The following SVIL variants were observed in gnomAD, a reference collection of about 807,000 sequenced individuals.
SVIL encodes archvillin.
A neutral mutation model predicts 240.4 loss-of-function variants in SVIL; 101 were observed. The observed-to-expected ratio is 0.42, with a 90% CI of 0.36 to 0.50. SVIL has a LOEUF of 0.50. Ranked by LOEUF, SVIL falls within the 20% of genes least tolerant of loss-of-function variation. The pLI, the probability that SVIL is intolerant of heterozygous loss-of-function variation, is 0.01. For synonymous variants in SVIL, 999 were observed against 1,100.0 expected (o/e 0.91, Z 1.82); for missense variants, 2,512 against 2,818.7 (o/e 0.89, Z 2.46).
At chr10:29,479,337 G>C (rs1054621181) in intron 29 of SVIL, among the ~76,000 whole-genome samples, 2 of 152,214 alleles carry the variant, frequency 1.3e-5, no homozygotes, top group South Asian at 2.1e-4. Flanking sequence ...CTTCAGGCAG[G>C]TTCCTTGATC....
chr10:29,574,200 A>G (rs1285426103), intron 1 of SVIL, among the ~76,000 whole-genome samples: 1 of 152,336 alleles, frequency 6.6e-6, no homozygotes, highest in South Asian at 2.1e-4. Context: ...TTAAGGCTGT[A>G]ATCTTTAAAG....
chr10:29,531,890 A>G, intron 9 of SVIL, 112 bp downstream of exon 9: 1 of 1,258,010 alleles, frequency 7.9e-7, no homozygotes, highest in Middle Eastern at 2.2e-4. Flanking sequence ...AGATGGAACA[A>G]TTATGGAATC....
intron 1 of SVIL, among the ~76,000 whole-genome samples, chr10:29,594,458 C>T (rs1040628381): frequency 7.2e-5 from 11 of 151,874 alleles, no homozygotes; most frequent in East Asian, 3.8e-4. Flanking sequence ...TCAATTGTAG[C>T]GTATGTACCA....
intron 21 of SVIL, among the ~76,000 whole-genome samples, chr10:29,492,154 T>C (rs76114838): frequency 0.015 from 2,267 of 152,158 alleles, 27 homozygotes; most frequent in Non-Finnish European, 0.02. Context: ...TGCACCCCCA[T>C]CGTGGCTCTA....
intron 21 of SVIL, among the ~76,000 whole-genome samples, chr10:29,492,566 G>C (rs1178549755): frequency 6.6e-6 from 1 of 152,078 alleles, no homozygotes; most frequent in Non-Finnish European, 1.5e-5. Context: ...AGCCGACAAA[G>C]CCCTCCGCAC....
chr10:29,630,212 A>G (rs1000769511), intron 1 of SVIL, among the ~76,000 whole-genome samples: 18 of 152,196 alleles, frequency 1.2e-4, no homozygotes, highest in African/African-American at 4.3e-4. Context: ...GCACAGGGAA[A>G]GTGCCCCAAA....
At chr10:29,607,357 T>C (rs1031044037) in intron 1 of SVIL, among the ~76,000 whole-genome samples, 1 of 152,238 alleles carries the variant, frequency 6.6e-6, no homozygotes, top group Non-Finnish European at 1.5e-5. Flanking sequence ...TTTGTCCATG[T>C]GAACTTCGGA....
At chr10:29,623,370 A>G (rs574873727) in intron 1 of SVIL, among the ~76,000 whole-genome samples, 12 of 152,340 alleles carry the variant, frequency 7.9e-5, no homozygotes, top group Admixed American at 5.2e-4. Context: ...CCAACAGAAC[A>G]GTACCAGTTT....
intron 32 of SVIL, chr10:29,468,987 T>C (rs1945254270): frequency 6.6e-6 from 1 of 152,140 alleles, no homozygotes; most frequent in Non-Finnish European, 1.5e-5. Context: ...CTAACTCCAG[T>C]CCTTTGGAGT....
At chr10:29,721,471 A>AT (rs374930335) in intron 1 of SVIL, among the ~76,000 whole-genome samples, 1 of 152,118 alleles carries the variant, frequency 6.6e-6, no homozygotes, top group African/African-American at 2.4e-5. Flanking sequence ...ACAAAAAAAA[A>AT]GCACTTTAAA....
chr10:29,545,132 C>T (rs763996815), intron 6 of SVIL: 17 of 532,138 alleles, frequency 3.2e-5, no homozygotes, highest in Non-Finnish European at 6.2e-5. Flanking sequence ...TGGAAACAGA[C>T]CACTGAGCCA....
chr10:29,470,142 C>T (rs1239546214), intron 32 of SVIL, 134 bp downstream of exon 32: 7 of 1,013,988 alleles, frequency 6.9e-6, no homozygotes, highest in South Asian at 3.0e-5. Context: ...CCCCTGACCA[C>T]GTTCCCAGCC....
intron 7 of SVIL, among the ~76,000 whole-genome samples, chr10:29,535,669 G>A (rs569657356): frequency 1.3e-5 from 2 of 152,338 alleles, no homozygotes; most frequent in South Asian, 4.1e-4. Context: ...CCCAGGGCCT[G>A]GCTGGGTGCT....
intron 1 of SVIL, among the ~76,000 whole-genome samples, chr10:29,720,102 G>C (rs969765605): frequency 1.8e-4 from 28 of 152,276 alleles, no homozygotes; most frequent in African/African-American, 6.7e-4. Flanking sequence ...CAGTTGCTCG[G>C]GAGGCTGAGG....
At chr10:29,687,310 CT>C (rs1961147005) in intron 1 of SVIL, among the ~76,000 whole-genome samples, 1 of 152,214 alleles carries the variant, frequency 6.6e-6, no homozygotes, top group Non-Finnish European at 1.5e-5. Context: ...ATAATTGATT[CT>C]TCCTTTATTC....
At chr10:29,702,449 C>A (rs764701203) in intron 1 of SVIL, among the ~76,000 whole-genome samples, 1 of 152,310 alleles carries the variant, frequency 6.6e-6, no homozygotes, top group Non-Finnish European at 1.5e-5. Flanking sequence ...CATGGACCCA[C>A]AGAGCAGCCA....
At position 29,684,780 on chromosome 10, in the gene SVIL, A is replaced by C. The variant is rs1165045848; in HGVS notation, c.-301+1773T>G. 2.0e-5 allele frequency among the ~76,000 whole-genome samples: 3 copies of C among 152,234 alleles called. No homozygotes were observed. In the East Asian group the frequency reaches 5.8e-4, roughly 29 times the overall value. Reference sequence around the variant, plus strand: ...TTTCTCCCAAAAGAAACAGCTTTACAAAGCTATTTCAAAATATGTCAAAGG... The same window carrying C: ...TTTCTCCCAAAAGAAACAGCTTTACCAAGCTATTTCAAAATATGTCAAAGG... On this transcript the variant is annotated intron_variant, in intron 2 of 35. Coordinates refer to the SVIL transcript ENST00000375400.
chr10:29,667,137 T>C (rs932086525), intron 2 of SVIL, among the ~76,000 whole-genome samples: 2 of 152,162 alleles, frequency 1.3e-5, no homozygotes, highest in African/African-American at 4.8e-5. Context: ...CCACACCCTA[T>C]GTATTTACTC....
chr10:29,732,773 C>T (rs938328797), intron 1 of SVIL, among the ~76,000 whole-genome samples: 3 of 152,130 alleles, frequency 2.0e-5, no homozygotes, highest in Non-Finnish European at 4.4e-5. Context: ...GAAGCAGATA[C>T]ATTTCTTTAG....
Sources: gnomAD v4.1 joint callset for allele counts (sites outside exome capture counted in the v4.1 genomes callset) on GRCh38, gnomAD v4.1.1 for gene constraint, MANE v1.5 for transcripts, NCBI Gene and HGNC (gene_info 2026-07-23, HGNC 2026-07-21) for gene names.